The following PI4KA variants were observed in gnomAD, a reference collection of about 807,000 sequenced individuals.
PI4KA encodes PI4-kinase alpha.
PI4KA carries 122 observed loss-of-function variants against 271.4 expected under a neutral mutation model. The ratio of observed to expected loss-of-function variants is 0.45; its 90% confidence interval spans 0.39 to 0.52. The LOEUF is 0.52. PI4KA is among the 20% of genes least tolerant of loss of function. The pLI is 0.00. For missense variants in PI4KA, 1,969 were observed against 2,769.1 expected (o/e 0.71, Z 6.48); for synonymous variants, 1,041 against 1,078.8 (o/e 0.96, Z 0.69).
rs773128321 is a variant in PI4KA at position 20,730,022 on chromosome 22, A to C, written c.4289-11T>G. The stretch of plus-strand genomic sequence containing the variant: ...GGGTGTCCTGATTATCTGAGGGCAA[A>C]CACATTGTTGATTCTAGAGTGAGGT... On this transcript the variant is annotated splice_polypyrimidine_tract_variant and intron_variant, in intron 36 of 54. Coordinates refer to ENST00000255882, the MANE Select transcript of PI4KA (RefSeq NM_058004.4). 4.3e-6 allele frequency: 7 copies of C among 1,613,868 alleles called. No individual in the cohort carries two copies. The highest frequency in any genetic ancestry group is 5.9e-6 in the Non-Finnish European group (7 of 1,179,962).
intron 29 of PI4KA, among the ~76,000 whole-genome samples, chr22:20,746,246 T>C (rs1366175883): frequency 6.6e-6 from 1 of 151,768 alleles, no homozygotes; most frequent in Non-Finnish European, 1.5e-5. Context: ...GTATTTTTAG[T>C]AGAGACGGGG....
intron 29 of PI4KA, among the ~76,000 whole-genome samples, chr22:20,747,055 G>A (rs755801501): frequency 1.3e-5 from 2 of 152,198 alleles, no homozygotes; most frequent in African/African-American, 2.4e-5. Context: ...ATGGCCAGGT[G>A]GAACTGCCTG....
At position 20,733,797 on chromosome 22, in the gene PI4KA, T is replaced by A. The variant is rs1327298030; in HGVS notation, c.4099A>T (p.Asn1367Tyr). ...LSLLHADVVPNATIRNVLREK... is the reference protein window; with the variant it reads ...LSLLHADVVPYATIRNVLREK... ...CGAAGCACATTGCGGATGGTTGCAT[T>A]TGGAACCACATCGGCATGCAGGAGG... Residue 1367 changes from asparagine to tyrosine, a missense_variant, in exon 35 of 55, where the codon AAT becomes TAT. Coordinates refer to ENST00000255882, the MANE Select transcript of PI4KA (RefSeq NM_058004.4). 1 of 1,612,788 alleles carries A rather than the reference T, an allele frequency of 6.2e-7. No individual in the cohort carries two copies. Among genetic ancestry groups the A allele is most frequent in the Admixed American group, 1.7e-5 (1 of 60,016 alleles).
intron 13 of PI4KA, 82 bp downstream of exon 13, chr22:20,803,109 C>G: frequency 7.1e-7 from 1 of 1,408,990 alleles, no homozygotes; most frequent in African/African-American, 1.4e-5. Context: ...CACCCAGGTA[C>G]AGTCATGAAA....
intron 19 of PI4KA, among the ~76,000 whole-genome samples, chr22:20,791,899 G>A (rs1177777939): frequency 2.0e-5 from 3 of 152,110 alleles, no homozygotes; most frequent in Non-Finnish European, 4.4e-5. Flanking sequence ...CCAGGAGTTC[G>A]AGACCAGCCT....
chr22:20,711,391 C>T lies in PI4KA; in HGVS notation c.5873G>A (p.Arg1958Lys). 7.2e-7 allele frequency: 1 copy of T among 1,396,982 alleles called. No homozygotes were observed. The highest frequency in any genetic ancestry group is 1.2e-5 in the South Asian group (1 of 85,126). The allele number at this position is 1,396,982 out of a possible 1,614,324, so 86.5% of individuals were successfully genotyped here. A position where few individuals can be genotyped will look rare whatever the true frequency, so the allele number is the denominator to read the frequency against. Reference sequence around the variant, plus strand: ...GTCCAGCATAATGTTGCCGTTGTGTCTGTCCTTGATCTGCAGCAGGAACAG... The same window carrying T: ...GTCCAGCATAATGTTGCCGTTGTGTTTGTCCTTGATCTGCAGCAGGAACAG... ...LLLFLLQIKD[R>K]HNGNIMLDKK... Residue 1958 changes from arginine (R) to lysine (K), a missense_variant, in exon 51 of 55, where the codon AGA (arginine) becomes AAA (lysine). Transcript: ENST00000255882.
intron 42 of PI4KA, 167 bp from the exon 43 acceptor site, chr22:20,721,585 G>A: frequency 1.5e-6 from 1 of 665,750 alleles, no homozygotes; most frequent in Non-Finnish European, 2.6e-6. Flanking sequence ...CCAGCCAGTG[G>A]CCAGGCCAAG....
chr22:20,820,761 C>G (rs1354401996), intron 4 of PI4KA, 150 bp from the exon 5 acceptor site: 4 of 621,912 alleles, frequency 6.4e-6, no homozygotes, highest in Non-Finnish European at 1.1e-5. Flanking sequence ...GCCAAGTGGC[C>G]AACCAGCTGA....
intron 48 of PI4KA, chr22:20,713,034 A>T: frequency 1.6e-6 from 1 of 626,144 alleles, no homozygotes. Flanking sequence ...GGTGTGTGAG[A>T]TAAGGCACCC....
chr22:20,748,377 C>CCT (rs1930336817), intron 28 of PI4KA, among the ~76,000 whole-genome samples: 1 of 152,236 alleles, frequency 6.6e-6, no homozygotes, highest in South Asian at 2.1e-4. Flanking sequence ...TGGTGTGGAG[C>CCT]CTCGGTTCTC....
At chr22:20,723,223 T>C (rs999418742) in intron 42 of PI4KA, among the ~76,000 whole-genome samples, 1 of 151,706 alleles carries the variant, frequency 6.6e-6, no homozygotes, top group Non-Finnish European at 1.5e-5. Flanking sequence ...GGTTTCACCG[T>C]GTTAGCCAGG....
At chr22:20,766,030 T>G (rs1463337012) in intron 19 of PI4KA, among the ~76,000 whole-genome samples, 2 of 152,028 alleles carry the variant, frequency 1.3e-5, no homozygotes, top group Non-Finnish European at 2.9e-5. Context: ...GAGTTAACAT[T>G]TGAGGAAAAC....
rs1027238533 is a variant in PI4KA at position 20,744,806 on chromosome 22, C to T, written c.3364-86G>A. 7 of 1,054,246 alleles carry T rather than the reference C, an allele frequency of 6.6e-6. No individual in the cohort carries two copies. In the African/African-American group the frequency reaches 7.8e-5, roughly 12 times the overall value. 65.3% of individuals were successfully genotyped at this position (1,054,246 alleles called of 1,614,324 possible). Reference sequence around the variant, plus strand: ...ATGGCTAAGCCTAAACCCAATGAAGCAGTCACACTCGGGTCTGGGGGTTAC... The same window carrying T: ...ATGGCTAAGCCTAAACCCAATGAAGTAGTCACACTCGGGTCTGGGGGTTAC... On this transcript the variant is annotated intron_variant, in intron 29 of 54. Coordinates refer to ENST00000255882, the MANE Select transcript of PI4KA (RefSeq NM_058004.4).
chr22:20,742,238 A>G lies in PI4KA; in HGVS notation c.3731T>C (p.Val1244Ala). ...WEWLLAGKDG[V>A]EVPFMREMAG... Reference sequence around the variant, plus strand: ...AGGTCAGGGTCCTACCGGCACTTCCACTCCATCCTTGCCAGCCAGCAGCCA... The same window carrying G: ...AGGTCAGGGTCCTACCGGCACTTCCGCTCCATCCTTGCCAGCCAGCAGCCA... Residue 1244 changes from valine (V) to alanine (A), a missense_variant, in exon 32 of 55, where the codon GTG becomes GCG. Val to Ala is a moderately conservative substitution (Grantham distance 64, BLOSUM62 0). Around this residue, in one of 13 missense-constraint regions of PI4KA, gnomAD observed 203 missense variants for 256.8 expected, o/e 0.79. Coordinates refer to ENST00000255882, the MANE Select transcript of PI4KA (RefSeq NM_058004.4). 1 of 1,613,478 alleles carries G rather than the reference A, an allele frequency of 6.2e-7. No individual in the cohort carries two copies. Among genetic ancestry groups the G allele is most frequent in the Non-Finnish European group, 8.5e-7 (1 of 1,179,826 alleles).
chr22:20,830,225 G>A (rs1569081136), intron 3 of PI4KA, among the ~76,000 whole-genome samples: 1 of 152,192 alleles, frequency 6.6e-6, no homozygotes, highest in Non-Finnish European at 1.5e-5. Context: ...GTCTAACACT[G>A]TCAGTGGGGT....
chr22:20,744,816 C>T (rs1057373525), intron 29 of PI4KA, 96 bp from the exon 30 acceptor site: 7 of 941,952 alleles, frequency 7.4e-6, no homozygotes, highest in Admixed American at 2.0e-5. Flanking sequence ...CAGTCACACT[C>T]GGGTCTGGGG....
intron 23 of PI4KA, among the ~76,000 whole-genome samples, chr22:20,758,459 C>CTTTTTTTTTTTTTTTT (rs35401829): frequency 5.9e-5 from 5 of 85,014 alleles, no homozygotes; most frequent in East Asian, 3.8e-4. Context: ...TCTTTCTTTT[C>CTTTTTTTTTTTTTTTT]TTTTTTTTTT....
chr22:20,810,926 G>C, intron 9 of PI4KA, 41 bp downstream of exon 9: 2 of 1,453,932 alleles, frequency 1.4e-6, no homozygotes, highest in Non-Finnish European at 1.9e-6. Context: ...ACACGTTTAA[G>C]TCAGGCTGAT....
At chr22:20,727,914 A>G in intron 39 of PI4KA, 50 bp from the exon 40 acceptor site, 1 of 1,394,930 alleles carries the variant, frequency 7.2e-7, no homozygotes, top group East Asian at 2.3e-5. Context: ...GGGAACCTGC[A>G]CTCTCCCACC....
Sources: allele counts gnomAD v4.1 joint callset (sites outside exome capture counted in the v4.1 genomes callset), GRCh38; gene constraint gnomAD v4.1.1; regional missense constraint gnomAD v4.1.1; transcripts MANE v1.5; gene names NCBI Gene and HGNC (gene_info 2026-07-23, HGNC 2026-07-21).